ZNF536: variants seen among roughly 807,000 people sequenced by gnomAD.
ZNF536 encodes zinc finger protein 536.
A neutral mutation model predicts 84.5 loss-of-function variants in ZNF536; 13 were observed. The ratio of observed to expected loss-of-function variants is 0.15; its 90% CI spans 0.10 to 0.24. The LOEUF (loss-of-function observed/expected upper bound fraction) is 0.24. Ranked by LOEUF, ZNF536 falls within the 10% of genes least tolerant of loss-of-function variation. The pLI, the probability that ZNF536 is intolerant of heterozygous loss-of-function variation, is 1.00. For missense variants in ZNF536, 1,536 were observed against 1,747.5 expected (o/e 0.88, Z 2.16); for synonymous variants, 811 against 742.5 (o/e 1.09, Z -1.50).
chr19:30,407,128 C>T (rs1463556872), intron 1 of ZNF536, among the ~76,000 whole-genome samples: 2 of 152,188 alleles, frequency 1.3e-5, no homozygotes, highest in African/African-American at 4.8e-5. Flanking sequence ...GGGAGCCAGC[C>T]CTACAACTCC....
chr19:30,684,681 CTTGGT>C (rs2051103364), intron 1 of ZNF536, among the ~76,000 whole-genome samples: 1 of 152,198 alleles, frequency 6.6e-6, no homozygotes, highest in Non-Finnish European at 1.5e-5. Flanking sequence ...CCACCGATGG[CTTGGT>C]TCGGTCATTC....
chr19:30,433,689 G>A (rs1225949950), intron 1 of ZNF536, among the ~76,000 whole-genome samples: 2 of 152,158 alleles, frequency 1.3e-5, no homozygotes, highest in African/African-American at 4.8e-5. Flanking sequence ...TAGAGATGGG[G>A]TAACTCCATG....
At chr19:30,677,157 C>G (rs577540855) in intron 1 of ZNF536, among the ~76,000 whole-genome samples, 1 of 152,228 alleles carries the variant, frequency 6.6e-6, no homozygotes, top group Non-Finnish European at 1.5e-5. Context: ...GCTGGGCTGC[C>G]GCAATCTCCC....
At chr19:30,321,956 C>T (rs1372052186) in intron 2 of ZNF536, among the ~76,000 whole-genome samples, 1 of 151,886 alleles carries the variant, frequency 6.6e-6, no homozygotes, top group Non-Finnish European at 1.5e-5. Flanking sequence ...TTTGTATTTT[C>T]ATTAGAGACA....
intron 2 of ZNF536, among the ~76,000 whole-genome samples, chr19:30,529,265 A>C (rs2044710880): frequency 1.3e-5 from 2 of 152,216 alleles, no homozygotes; most frequent in Non-Finnish European, 2.9e-5. Flanking sequence ...AAATAAGGTT[A>C]AGTGTGTGTT....
At chr19:30,387,826 C>G (rs1318283775) in intron 1 of ZNF536, among the ~76,000 whole-genome samples, 1 of 152,162 alleles carries the variant, frequency 6.6e-6, no homozygotes, top group Non-Finnish European at 1.5e-5. Context: ...TTGGAAAGCC[C>G]AGCCTAGAGA....
rs534094382 is a variant in ZNF536, at chr19:30,282,321, C to T, written c.-189-1751C>T. ...CACTAATCTGTTGGAAGAGCACAGC[C>T]TCCAATGTAGCCACGAGGCTTGTGC... On this transcript the variant is annotated intron_variant, in intron 1 of 5. Coordinates refer to the ZNF536 transcript ENST00000585628. 2.0e-5 allele frequency among the ~76,000 whole-genome samples: 3 copies of T among 152,366 alleles called. 1 individual carries two copies. The highest frequency in any genetic ancestry group is 4.1e-4 in the South Asian group (2 of 4,826).
rs558031734 is a variant in ZNF536 at position 30,528,944 on chromosome 19, G to A, written c.2171-5903G>A. ...GAGGCCAAAAAAAAAAAAAAGCAGCGGGCAGAGACAGCCTGGGATAGGCTT... is the reference window on the plus strand; with the variant it reads ...GAGGCCAAAAAAAAAAAAAAGCAGCAGGCAGAGACAGCCTGGGATAGGCTT... On this transcript the variant is annotated intron_variant, in intron 2 of 4. Coordinates refer to ENST00000355537, the MANE Select transcript of ZNF536 (RefSeq NM_014717.3). Among the ~76,000 whole-genome samples the A allele has an allele frequency of 4.6e-5, 7 of 151,444 alleles. No individual in the cohort carries two copies. In the South Asian group the frequency reaches 8.4e-4, roughly 18 times the overall value.
chr19:30,349,343 G>T (rs1433078), intron 2 of ZNF536, among the ~76,000 whole-genome samples: 117,589 of 152,088 alleles, frequency 0.77, 45,643 homozygotes, highest in African/African-American at 0.83. Flanking sequence ...CCTTGACCCC[G>T]GTGTGAATGT....
At chr19:30,697,316 C>A (rs181585876) in intron 1 of ZNF536, among the ~76,000 whole-genome samples, 74 of 152,274 alleles carry the variant, frequency 4.9e-4, no homozygotes, top group Non-Finnish European at 7.5e-4. Flanking sequence ...AGAGCCAAAC[C>A]ATATCATCCA....
chr19:30,521,307 G>T (rs547828616), intron 2 of ZNF536, among the ~76,000 whole-genome samples: 2 of 152,326 alleles, frequency 1.3e-5, no homozygotes, highest in African/African-American at 4.8e-5. Context: ...GGGACACTTT[G>T]CTCAGCTACC....
intron 1 of ZNF536, among the ~76,000 whole-genome samples, chr19:30,683,445 T>C (rs1396742697): frequency 6.6e-6 from 1 of 152,230 alleles, no homozygotes; most frequent in African/African-American, 2.4e-5. Context: ...TAGAGCTGTT[T>C]CTATGATTGC....
At chr19:30,393,207 C>T (rs1173922186) in intron 1 of ZNF536, among the ~76,000 whole-genome samples, 1 of 152,000 alleles carries the variant, frequency 6.6e-6, no homozygotes, top group Non-Finnish European at 1.5e-5. Flanking sequence ...TTCCTGCTCA[C>T]AGTTTAATGC....
chr19:30,698,767 G>A (rs769849170), intron 1 of ZNF536, among the ~76,000 whole-genome samples: 39 of 152,302 alleles, frequency 2.6e-4, no homozygotes, highest in Non-Finnish European at 5.3e-4. Context: ...TTTCTCCACG[G>A]AAGTTACTCT....
At chr19:30,612,714 G>C (rs551993276) in intron 1 of ZNF536, among the ~76,000 whole-genome samples, 15 of 152,166 alleles carry the variant, frequency 9.9e-5, no homozygotes, top group Non-Finnish European at 1.9e-4. Flanking sequence ...AAGATAGTAT[G>C]AGGAGTTACC....
At chr19:30,418,093 A>G (rs1487071261) in intron 1 of ZNF536, among the ~76,000 whole-genome samples, 4 of 149,490 alleles carry the variant, frequency 2.7e-5, no homozygotes, top group Admixed American at 2.6e-4. Flanking sequence ...TTATTTTTGT[A>G]TTGCCAAGCA....
At chr19:30,250,790 T>C (rs2024562206) in intron 1 of ZNF536, among the ~76,000 whole-genome samples, 1 of 151,492 alleles carries the variant, frequency 6.6e-6, no homozygotes, top group Non-Finnish European at 1.5e-5. Flanking sequence ...GCATAACATA[T>C]ACAAGGACCA....
intron 1 of ZNF536, among the ~76,000 whole-genome samples, chr19:30,670,043 GC>G (rs1201488828): frequency 6.6e-6 from 1 of 152,196 alleles, no homozygotes; most frequent in Non-Finnish European, 1.5e-5. Flanking sequence ...CCCTCATCCT[GC>G]CCAGGTGGGA....
intron 2 of ZNF536, among the ~76,000 whole-genome samples, chr19:30,524,977 C>T (rs2044515485): frequency 1.3e-5 from 2 of 152,084 alleles, no homozygotes; most frequent in South Asian, 4.1e-4. Flanking sequence ...ATATCTGTTT[C>T]ACTATGCTCT....
Sources: gnomAD v4.1 joint callset for allele counts (sites outside exome capture counted in the v4.1 genomes callset) on GRCh38, gnomAD v4.1.1 for gene constraint, MANE v1.5 for transcripts, NCBI Gene and HGNC (gene_info 2026-07-23, HGNC 2026-07-21) for gene names.